The following RAB7A variants were observed in gnomAD, a reference collection of about 807,000 sequenced individuals.
RAB7A encodes ras-related protein Rab-7a.
RAB7A carries 2 observed loss-of-function variants against 24.5 expected under a neutral mutation model. The observed-to-expected ratio is 0.08, with a 90% CI of 0.03 to 0.26. The LOEUF is 0.26. RAB7A is among the 10% of genes least tolerant of loss of function. The pLI is 1.00. For synonymous variants in RAB7A, 100 were observed against 95.9 expected, an observed-to-expected ratio of 1.04 and a Z score of -0.25; for missense variants, 118 against 255.7, an observed-to-expected ratio of 0.46 and a Z score of 3.67.
intron 3 of RAB7A, among the ~76,000 whole-genome samples, chr3:128,803,218 T>C (rs1387260735): frequency 6.6e-6 from 1 of 152,098 alleles, no homozygotes; most frequent in Non-Finnish European, 1.5e-5. Flanking sequence ...ACTTAAAAAA[T>C]GAAAATAGTG....
intron 5 of RAB7A, among the ~76,000 whole-genome samples, chr3:128,809,404 T>C (rs1933871380): frequency 6.6e-6 from 1 of 152,218 alleles, no homozygotes; most frequent in Non-Finnish European, 1.5e-5. Context: ...TCGTGACTAC[T>C]GGTCCCTCTG....
At chr3:128,761,988 A>G (rs1208673037) in intron 1 of RAB7A, among the ~76,000 whole-genome samples, 1 of 152,206 alleles carries the variant, frequency 6.6e-6, no homozygotes, top group South Asian at 2.1e-4. Flanking sequence ...CCATGTTTGC[A>G]TGTTTTGCCA....
chr3:128,763,665 C>G (rs1221542445), intron 1 of RAB7A, among the ~76,000 whole-genome samples: 2 of 152,144 alleles, frequency 1.3e-5, no homozygotes, highest in Non-Finnish European at 2.9e-5. Context: ...TCCCCTACCC[C>G]CATTCCTGTG....
In RAB7A at chr3:128,813,651, C is replaced by T. The variant is rs147244704; in HGVS notation, c.*229C>T. ...ACGTAATCAAACTCCAGCCCTTGCCCGTGATGGCTCCTTGGGGTCTGCCTG... is the reference window on the plus strand; with the variant it reads ...ACGTAATCAAACTCCAGCCCTTGCCTGTGATGGCTCCTTGGGGTCTGCCTG... On this transcript the variant is annotated 3_prime_UTR_variant, in exon 6 of 6. Coordinates refer to ENST00000265062, the MANE Select transcript of RAB7A (RefSeq NM_004637.6). 654 of 564,428 alleles carry T rather than the reference C, an allele frequency of 1.2e-3. 3 individuals are homozygous for T. The highest frequency in any genetic ancestry group is 9.2e-3 in the African/African-American group (494 of 53,636). 35.0% of individuals were successfully genotyped at this position (564,428 alleles called of 1,614,324 possible).
chr3:128,790,392 G>T (rs1390988124), intron 1 of RAB7A, among the ~76,000 whole-genome samples: 4 of 152,164 alleles, frequency 2.6e-5, no homozygotes, highest in African/African-American at 9.7e-5. Flanking sequence ...CCAAAGTGGA[G>T]GTGGCTGTTT....
At chr3:128,749,713 G>T (rs985439798) in intron 1 of RAB7A, among the ~76,000 whole-genome samples, 1 of 152,134 alleles carries the variant, frequency 6.6e-6, no homozygotes, top group African/African-American at 2.4e-5. Flanking sequence ...CTGCACAAGC[G>T]CTCCTCTCTT....
chr3:128,774,801 T>C (rs1206116977), intron 1 of RAB7A, among the ~76,000 whole-genome samples: 5 of 152,154 alleles, frequency 3.3e-5, no homozygotes, highest in African/African-American at 9.7e-5. Flanking sequence ...CTCGATCTCC[T>C]GCCCTCGTGA....
At chr3:128,800,603 A>G (rs1175849647) in intron 3 of RAB7A, among the ~76,000 whole-genome samples, 1 of 139,934 alleles carries the variant, frequency 7.1e-6, no homozygotes, top group Non-Finnish European at 1.7e-5. Context: ...ACTAAAAAAG[A>G]AAAAGGCTTA....
intron 2 of RAB7A, among the ~76,000 whole-genome samples, chr3:128,796,205 G>A (rs574331210): frequency 5.3e-5 from 8 of 152,232 alleles, no homozygotes; most frequent in African/African-American, 1.9e-4. Context: ...AAGATTCTGT[G>A]GTAGGTTGGG....
intron 5 of RAB7A, 46 bp downstream of exon 5, chr3:128,807,717 A>G (rs752664819): frequency 2.5e-6 from 4 of 1,613,078 alleles, no homozygotes; most frequent in Non-Finnish European, 3.4e-6. Context: ...ATGCCTGACC[A>G]CTGACCCAGT....
intron 3 of RAB7A, among the ~76,000 whole-genome samples, chr3:128,804,181 T>G (rs1933755662): frequency 6.6e-6 from 1 of 151,878 alleles, no homozygotes; most frequent in African/African-American, 2.4e-5. Flanking sequence ...TTTCCTCATT[T>G]TAATGCCAAA....
intron 1 of RAB7A, among the ~76,000 whole-genome samples, chr3:128,728,434 T>G (rs1264378117): frequency 1.3e-5 from 2 of 152,224 alleles, no homozygotes; most frequent in Non-Finnish European, 2.9e-5. Flanking sequence ...CTCAACTTGT[T>G]TCTCCTTTTG....
At chr3:128,753,202 T>C (rs2070702821) in intron 1 of RAB7A, among the ~76,000 whole-genome samples, 1 of 152,176 alleles carries the variant, frequency 6.6e-6, no homozygotes, top group Non-Finnish European at 1.5e-5. Flanking sequence ...TGAAATATTG[T>C]CATATGCAGC....
intron 1 of RAB7A, among the ~76,000 whole-genome samples, chr3:128,773,394 G>C (rs993670623): frequency 2.6e-5 from 4 of 151,582 alleles, no homozygotes; most frequent in African/African-American, 9.7e-5. Context: ...GCGCCCCTCT[G>C]CCCGGCAGCC....
Position 128,814,005 on chromosome 3 carries a change from AG to A in RAB7A, c.*584del. 6.2e-6 allele frequency: 1 copy of A among 161,788 alleles called. No homozygotes were observed. Among genetic ancestry groups the A allele is most frequent in the Admixed American group, 5.7e-5 (1 of 17,466 alleles). 10.0% of individuals were successfully genotyped at this position (161,788 alleles called of 1,614,324 possible). ...CTTTTAACTAATCAGATCTTTTTACAGTATCCATTTATTATGTAATGCTTCT... is the reference window on the plus strand; with the variant it reads ...CTTTTAACTAATCAGATCTTTTTACATATCCATTTATTATGTAATGCTTCT... On this transcript the variant is annotated 3_prime_UTR_variant, in exon 6 of 6. Coordinates refer to ENST00000265062, the MANE Select transcript of RAB7A (RefSeq NM_004637.6).
chr3:128,743,627 T>C (rs1201073728), intron 1 of RAB7A, among the ~76,000 whole-genome samples: 2 of 152,048 alleles, frequency 1.3e-5, no homozygotes, highest in African/African-American at 4.8e-5. Flanking sequence ...GATGAAGAAC[T>C]GAAGGAGAGC....
chr3:128,746,764 C>CAAAT (rs2070620342), intron 1 of RAB7A, among the ~76,000 whole-genome samples: 7 of 151,416 alleles, frequency 4.6e-5, no homozygotes, highest in African/African-American at 1.5e-4. Flanking sequence ...CTCTTAACCT[C>CAAAT]GTGATCCACC....
intron 1 of RAB7A, chr3:128,785,217 C>CA (rs1490572943): frequency 6.6e-6 from 1 of 152,182 alleles, no homozygotes; most frequent in Non-Finnish European, 1.5e-5. Context: ...ACTTGAGCCA[C>CA]AGGAGTTCTG....
rs1227226227 is a variant in RAB7A at position 128,792,860 on chromosome 3, TATTC to T, written c.-8-2496_-8-2493del. Among the ~76,000 whole-genome samples, 553 of 120,678 alleles carry T rather than the reference TATTC, an allele frequency of 4.6e-3. 11 individuals carry two copies. The East Asian group carries it at 0.052, about 11-fold the overall frequency. The allele number at this position is 120,678 out of a possible 152,430, so 79.2% of individuals were successfully genotyped here. ...TTATTTATTTATTTATTTATTTATT[TATTC>T]ATTTGAGACAGTGCCTCGCACTGTC... On this transcript the variant is annotated intron_variant, in intron 1 of 5. Transcript: ENST00000265062.
Sources: gnomAD v4.1 joint callset for allele counts (sites outside exome capture counted in the v4.1 genomes callset) on GRCh38, gnomAD v4.1.1 for gene constraint, MANE v1.5 for transcripts, NCBI Gene and HGNC (gene_info 2026-07-23, HGNC 2026-07-21) for gene names.